Variants in PDCD11 observed in about 807,000 individuals in gnomAD.
PDCD11 encodes programmed cell death 11, also known as protein RRP5 homolog.
In PDCD11, 97 loss-of-function variants were observed where a neutral mutation model predicts 198.9. The observed-to-expected ratio is 0.49, with a 90% CI of 0.41 to 0.58. The LOEUF (loss-of-function observed/expected upper bound fraction) is 0.58, where lower values mean the gene tolerates loss of function less well. PDCD11 is among the 20% of genes least tolerant of loss of function. The probability of loss-of-function intolerance (pLI) is 0.00; values close to 1 mark genes in which losing one functional copy is unlikely to be tolerated. For synonymous variants in PDCD11, 893 were observed against 918.0 expected (o/e 0.97, Z 0.49); for missense variants, 2,102 against 2,312.7 (o/e 0.91, Z 1.87).
chr10:103,403,024 A>G, intron 3 of PDCD11, 94 bp from the exon 4 acceptor site: 1 of 1,218,686 alleles, frequency 8.2e-7, no homozygotes, highest in African/African-American at 1.5e-5. Context: ...GCTTGGCCTT[A>G]TAGCTTTTAA....
intron 7 of PDCD11, among the ~76,000 whole-genome samples, chr10:103,407,276 G>A (rs1331587987): frequency 6.6e-6 from 1 of 151,928 alleles, no homozygotes; most frequent in African/African-American, 2.4e-5. Context: ...AAAGATTTTG[G>A]TCTCTCTTTT....
At chr10:103,419,735 T>A (rs1208512664) in intron 16 of PDCD11, 27 bp downstream of exon 16, 1 of 1,607,670 alleles carries the variant, frequency 6.2e-7, no homozygotes, top group Non-Finnish European at 8.5e-7. Context: ...GTACAAGGGC[T>A]TTGAGGAGAG....
chr10:103,413,254 G>A lies in PDCD11; in HGVS notation c.1117G>A (p.Val373Ile). The A allele has an allele frequency of 6.2e-7, 1 of 1,614,154 alleles. No homozygotes were observed. The highest frequency in any genetic ancestry group is 8.5e-7 in the Non-Finnish European group (1 of 1,180,020). The change falls in exon 9 of 36, where the codon GTC becomes ATC. Residue 373 changes from valine (V) to isoleucine (I), a missense_variant. By Grantham distance (29) the Val-to-Ile change is conservative. Transcript: ENST00000369797. ...NLGAVLDDVP[V>I]QGFFKKAGAT... The stretch of plus-strand genomic sequence containing the variant: ...TGGAGCAGTGCTGGATGATGTTCCT[G>A]TCCAGGGTTTTTTCAAAAAGGCTGG...
intron 19 of PDCD11, among the ~76,000 whole-genome samples, chr10:103,424,683 A>T (rs2031605930): frequency 6.6e-6 from 1 of 152,228 alleles, no homozygotes; most frequent in Non-Finnish European, 1.5e-5. Flanking sequence ...CATCAGAATT[A>T]TCTCAATAAC....
At chr10:103,428,453 G>C (rs201197399) in intron 21 of PDCD11, among the ~76,000 whole-genome samples, 1 of 143,846 alleles carries the variant, frequency 7.0e-6, no homozygotes, top group Non-Finnish European at 1.5e-5. Context: ...TTTGTTAACT[G>C]TGGTTTCTTA....
rs200695050 is a variant in PDCD11 at position 103,418,590 on chromosome 10, A to G, written c.2062A>G (p.Ile688Val). 412 of 1,614,034 alleles carry G rather than the reference A, an allele frequency of 2.6e-4. No individual in the cohort carries two copies. The highest frequency in any genetic ancestry group is 3.4e-4 in the Non-Finnish European group (396 of 1,180,018). The part of the protein sequence containing the change: ...LLHHWLQAGD[I>V]LHRVLCLSQS... Reference sequence around the variant, plus strand: ...ACATCATTGGCTCCAGGCAGGTGACATCCTTCACCGAGTCCTGTGTCTGAG... The same window carrying G: ...ACATCATTGGCTCCAGGCAGGTGACGTCCTTCACCGAGTCCTGTGTCTGAG... Residue 688 changes from isoleucine to valine, a missense_variant, in exon 15 of 36, where the codon ATC (isoleucine) becomes GTC (valine). Ile to Val is a conservative substitution (Grantham distance 29). Coordinates refer to ENST00000369797, the MANE Select transcript of PDCD11 (RefSeq NM_014976.2).
chr10:103,425,185 G>A lies in PDCD11; in HGVS notation c.2965G>A (p.Gly989Ser). The change falls in exon 20 of 36, where the codon GGC becomes AGC. Residue 989 changes from glycine to serine, a missense_variant. By Grantham distance (56) the Gly-to-Ser change is moderately conservative. Transcript: ENST00000369797. ...CAAGACCACAGAACCAGGAGTGACT[G>A]GCCTTCTTTTGGCTGTGGAGGGGCC... ...TLKTTEPGVTGLLLAVEGPAA... is the reference protein window; with the variant it reads ...TLKTTEPGVTSLLLAVEGPAA... 3 of 1,614,190 alleles carry A rather than the reference G, an allele frequency of 1.9e-6. No homozygotes were observed. Among genetic ancestry groups the A allele is most frequent in the Middle Eastern group, 1.6e-4 (1 of 6,062 alleles).
intron 26 of PDCD11, 44 bp from the exon 27 acceptor site, chr10:103,438,642 C>G: frequency 6.2e-7 from 1 of 1,612,546 alleles, no homozygotes; most frequent in Non-Finnish European, 8.5e-7. Flanking sequence ...TGGCATGGGA[C>G]AGTGGAGGTT....
intron 21 of PDCD11, among the ~76,000 whole-genome samples, chr10:103,430,478 C>A (rs1011514685): frequency 1.3e-5 from 2 of 152,054 alleles, no homozygotes; most frequent in Admixed American, 1.3e-4. Flanking sequence ...TGAGTATATA[C>A]CTATAAGTGG....
At chr10:103,440,884 T>A (rs1041505502) in intron 30 of PDCD11, 34 bp downstream of exon 30, 13 of 1,473,838 alleles carry the variant, frequency 8.8e-6, no homozygotes, top group Non-Finnish European at 1.2e-5. Context: ...GGAAGGCTGC[T>A]CCAGGCAAGG....
chr10:103,421,969 G>A (rs1346077689), intron 17 of PDCD11, among the ~76,000 whole-genome samples: 3 of 101,986 alleles, frequency 2.9e-5, no homozygotes, highest in East Asian at 5.5e-4. Context: ...GTGAGACTCC[G>A]TCTCAAAAAA....
intron 1 of PDCD11, among the ~76,000 whole-genome samples, chr10:103,397,934 T>C (rs2093445762): frequency 6.6e-6 from 1 of 152,244 alleles, no homozygotes; most frequent in Admixed American, 6.5e-5. Flanking sequence ...TCTTTTACCC[T>C]TAAGCTAAAA....
At chr10:103,414,187 T>C in intron 10 of PDCD11, 83 bp from the exon 11 acceptor site, 1 of 1,579,938 alleles carries the variant, frequency 6.3e-7, no homozygotes, top group Middle Eastern at 1.7e-4. Flanking sequence ...GTTTTCTTTC[T>C]TGCCAGCATG....
intron 12 of PDCD11, among the ~76,000 whole-genome samples, 187 bp downstream of exon 12, chr10:103,415,338 C>T (rs539656185): frequency 3.3e-5 from 5 of 152,254 alleles, no homozygotes. Context: ...TTAAAATATT[C>T]ATACGTGATG....
chr10:103,445,331 G>T (rs762280957), intron 35 of PDCD11, 47 bp from the exon 36 acceptor site: 1 of 1,599,194 alleles, frequency 6.3e-7, no homozygotes, highest in South Asian at 1.1e-5. Flanking sequence ...CAGGAAGCAC[G>T]TGACCTGGGA....
Position 103,413,575 on chromosome 10 carries a change from G to T in PDCD11, c.1185+253G>T, listed in dbSNP as rs188927726. Among the ~76,000 whole-genome samples, 6 of 152,296 alleles carry T rather than the reference G, an allele frequency of 3.9e-5. No individual in the cohort carries two copies. In the East Asian group the frequency reaches 1.2e-3, roughly 29 times the overall value. ...GAGTTAGGATCCAGACCAGGGCCCA[G>T]CAGAGTTTTTCTTAAAGGGCTATGT... On this transcript the variant is annotated intron_variant, in intron 9 of 35. Coordinates refer to ENST00000369797, the MANE Select transcript of PDCD11 (RefSeq NM_014976.2).
chr10:103,401,927 A>G (rs2030098100), intron 3 of PDCD11, among the ~76,000 whole-genome samples: 1 of 152,128 alleles, frequency 6.6e-6, no homozygotes, highest in East Asian at 1.9e-4. Context: ...TATTTTTGGT[A>G]GAGACGGGGC....
rs764462109 is a variant in PDCD11, at chr10:103,413,948, T to C, written c.1186-18T>C. Reference sequence around the variant, plus strand: ...CCTGTTGTCCCTGGCTTATCCTCAATCACTTGGTACTTTGCAGCTCAGCCA... The same window carrying C: ...CCTGTTGTCCCTGGCTTATCCTCAACCACTTGGTACTTTGCAGCTCAGCCA... On this transcript the variant is annotated intron_variant, in intron 9 of 35. Transcript: ENST00000369797. 6.3e-6 allele frequency: 10 copies of C among 1,596,584 alleles called. No individual in the cohort carries two copies. In the Admixed American group the frequency reaches 1.7e-4, roughly 28 times the overall value.
intron 21 of PDCD11, among the ~76,000 whole-genome samples, chr10:103,427,789 C>G (rs917292308): frequency 6.6e-6 from 1 of 152,062 alleles, no homozygotes; most frequent in Non-Finnish European, 1.5e-5. Flanking sequence ...AATTTCAGGT[C>G]ATGGTGGGGT....
Sources: allele counts gnomAD v4.1 joint callset (sites outside exome capture counted in the v4.1 genomes callset), GRCh38; gene constraint gnomAD v4.1.1; transcripts MANE v1.5; gene names NCBI Gene and HGNC (gene_info 2026-07-23, HGNC 2026-07-21).